The following SLC24A4 variants were observed in gnomAD, a reference collection of about 807,000 sequenced individuals.
SLC24A4 encodes solute carrier family 24 member 4.
A neutral mutation model predicts 79.0 loss-of-function variants in SLC24A4; 53 were observed. That is an observed-to-expected ratio of 0.67 (90% CI 0.54 to 0.84). The LOEUF (loss-of-function observed/expected upper bound fraction) is 0.84. Among genes scored for constraint, SLC24A4 ranks in the 40% least tolerant of loss-of-function variants. The pLI is 0.00. For synonymous variants in SLC24A4, 323 were observed against 323.8 expected (o/e 1.00, Z 0.03); for missense variants, 731 against 822.0 (o/e 0.89, Z 1.35).
intron 2 of SLC24A4, among the ~76,000 whole-genome samples, chr14:92,407,539 G>T (rs866144209): frequency 2.0e-5 from 3 of 152,130 alleles, no homozygotes; most frequent in African/African-American, 7.2e-5. Flanking sequence ...TCACAGTTCT[G>T]TGGCTTAACA....
In SLC24A4 at chr14:92,498,637, A is replaced by T. The variant is rs902220713; in HGVS notation, c.*5009A>T. Reference sequence around the variant, plus strand: ...CTCAGCCTCTCTGGTAGCTGGGACTACAGGCACGCGCCACCATGCCCAGCT... The same window carrying T: ...CTCAGCCTCTCTGGTAGCTGGGACTTCAGGCACGCGCCACCATGCCCAGCT... On this transcript the variant is annotated 3_prime_UTR_variant, in exon 17 of 17. Coordinates refer to ENST00000532405, the MANE Select transcript of SLC24A4 (RefSeq NM_153646.4). 2 of 152,044 alleles carry T rather than the reference A, an allele frequency of 1.3e-5. No individual in the cohort carries two copies. The highest frequency in any genetic ancestry group is 2.9e-5 in the Non-Finnish European group (2 of 68,118). 9.4% of individuals were successfully genotyped at this position (152,044 alleles called of 1,614,324 possible).
intron 2 of SLC24A4, among the ~76,000 whole-genome samples, chr14:92,382,187 T>A (rs935250247): frequency 6.6e-6 from 1 of 152,118 alleles, no homozygotes; most frequent in East Asian, 1.9e-4. Context: ...TATATACATA[T>A]GTATACATGC....
chr14:92,372,067 G>A (rs1455808339), intron 2 of SLC24A4, among the ~76,000 whole-genome samples: 1 of 152,224 alleles, frequency 6.6e-6, no homozygotes, highest in Non-Finnish European at 1.5e-5. Flanking sequence ...GGGAAACACA[G>A]GTGATGATGT....
At chr14:92,374,522 G>C (rs1376408533) in intron 2 of SLC24A4, among the ~76,000 whole-genome samples, 1 of 152,188 alleles carries the variant, frequency 6.6e-6, no homozygotes, top group Non-Finnish European at 1.5e-5. Flanking sequence ...CCAGAGCTGG[G>C]TGCCTGTCAG....
At chr14:92,324,004 T>G (rs1884959831) in intron 1 of SLC24A4, 44 bp downstream of exon 1, 1 of 1,590,764 alleles carries the variant, frequency 6.3e-7, no homozygotes, top group Admixed American at 1.7e-5. Context: ...AGTTGGGGGC[T>G]TTGGCTGGGG....
intron 12 of SLC24A4, among the ~76,000 whole-genome samples, chr14:92,461,055 A>G (rs117494569): frequency 0.025 from 3,740 of 152,238 alleles, 181 homozygotes; most frequent in East Asian, 0.2. Context: ...CAGTGCTGGC[A>G]CCGCCCTGAA....
In SLC24A4 at chr14:92,493,798, G is replaced by T; in HGVS notation, c.*170G>T. 1 of 769,996 alleles carries T rather than the reference G, an allele frequency of 1.3e-6. No homozygotes were observed. The highest frequency in any genetic ancestry group is 1.8e-5 in the African/African-American group (1 of 57,076). 47.7% of individuals were successfully genotyped at this position (769,996 alleles called of 1,614,324 possible). A position where few individuals can be genotyped will look rare whatever the true frequency, so the allele number is the denominator to read the frequency against. On this transcript the variant is annotated 3_prime_UTR_variant, in exon 17 of 17. Transcript: ENST00000532405. Reference sequence around the variant, plus strand: ...TCTTTGTCTGGCCACAGGCCAGGCTGCTGGGCATCCTCCTCCTCCTTGGAG... The same window carrying T: ...TCTTTGTCTGGCCACAGGCCAGGCTTCTGGGCATCCTCCTCCTCCTTGGAG...
chr14:92,343,580 T>TTTTCTTTCTTTCTTTCTTTCTTTC (rs376436087), intron 2 of SLC24A4, among the ~76,000 whole-genome samples: 1 of 85,106 alleles, frequency 1.2e-5, no homozygotes, highest in African/African-American at 4.4e-5. Flanking sequence ...TTAATTACTG[T>TTTTCTTTCTTTCTTTCTTTCTTTC]TTTCTTTCTT....
chr14:92,482,558 G>T, intron 12 of SLC24A4, 122 bp from the exon 13 acceptor site: 1 of 903,758 alleles, frequency 1.1e-6, no homozygotes. Flanking sequence ...CAGTTGCCTA[G>T]AGTCACATCG....
intron 9 of SLC24A4, 87 bp downstream of exon 9, chr14:92,447,511 C>T: frequency 7.7e-7 from 1 of 1,303,756 alleles, no homozygotes; most frequent in South Asian, 1.2e-5. Flanking sequence ...AGAAAAACAT[C>T]TGTCAGATCT....
intron 14 of SLC24A4, among the ~76,000 whole-genome samples, chr14:92,489,647 C>A (rs61977321): frequency 0.05 from 7,612 of 152,208 alleles, 281 homozygotes; most frequent in Non-Finnish European, 0.078. Context: ...GTGCCCCAGA[C>A]CCACTGAATC....
intron 1 of SLC24A4, among the ~76,000 whole-genome samples, chr14:92,324,889 G>A (rs1248287409): frequency 2.0e-5 from 3 of 152,170 alleles, no homozygotes; most frequent in Non-Finnish European, 4.4e-5. Flanking sequence ...ATTTAGAGAG[G>A]TGTACACTGA....
intron 12 of SLC24A4, among the ~76,000 whole-genome samples, chr14:92,480,009 A>G (rs1395574771): frequency 6.6e-6 from 1 of 152,042 alleles, no homozygotes; most frequent in Admixed American, 6.5e-5. Flanking sequence ...TAATGTTCAT[A>G]GTGATGTCCC....
chr14:92,468,892 C>CTG lies in SLC24A4; in HGVS notation c.1255+12326_1255+12327dup, dbSNP rs57575129. On this transcript the variant is annotated intron_variant, in intron 12 of 16. Coordinates refer to ENST00000532405, the MANE Select transcript of SLC24A4 (RefSeq NM_153646.4). Reference sequence around the variant, plus strand: ...GAGAAAACATTTGCAAATCATGTATCTGTGTGTGTGTGTGTGTGTGTGTGT... The same window carrying CTG: ...GAGAAAACATTTGCAAATCATGTATCTGTGTGTGTGTGTGTGTGTGTGTGTGT... Among the ~76,000 whole-genome samples the CTG allele has an allele frequency of 8.8e-3, 718 of 81,460 alleles. 4 individuals carry two copies. Among genetic ancestry groups the CTG allele is most frequent in the South Asian group, 0.032 (73 of 2,312 alleles). The allele number at this position is 81,460 out of a possible 152,430, so 53.4% of individuals were successfully genotyped here. A position where few individuals can be genotyped will look rare whatever the true frequency, so the allele number is the denominator to read the frequency against.
chr14:92,405,418 C>T (rs996404273), intron 2 of SLC24A4, among the ~76,000 whole-genome samples: 3 of 152,202 alleles, frequency 2.0e-5, no homozygotes, highest in Non-Finnish European at 4.4e-5. Flanking sequence ...GTATGAGCCT[C>T]ACTCCAGTAG....
chr14:92,486,749 C>T lies in SLC24A4; in HGVS notation c.1506C>T (p.Asp502=), dbSNP rs1434567037. 1.2e-6 allele frequency: 2 copies of T among 1,613,996 alleles called. No homozygotes were observed. The highest frequency in any genetic ancestry group is 1.7e-6 in the Non-Finnish European group (2 of 1,180,006). ...TGGCAGCAGGGACAAGTGTTCCAGA[C>T]TGCATGGCCAGCCTAATTGTGGCGA... ...TFLAAGTSVP[D]CMASLIVARQ... The change falls in exon 14 of 17, where the codon GAC becomes GAT. Residue 502 remains aspartate (D), a synonymous_variant. Coordinates refer to ENST00000532405, the MANE Select transcript of SLC24A4 (RefSeq NM_153646.4).
intron 2 of SLC24A4, among the ~76,000 whole-genome samples, chr14:92,378,969 G>T (rs1036690222): frequency 6.6e-6 from 1 of 152,152 alleles, no homozygotes; most frequent in Non-Finnish European, 1.5e-5. Context: ...GGCTGAGATG[G>T]GAGAATCGCT....
At chr14:92,331,820 C>T (rs895952362) in intron 2 of SLC24A4, among the ~76,000 whole-genome samples, 12 of 152,220 alleles carry the variant, frequency 7.9e-5, no homozygotes, top group Non-Finnish European at 1.2e-4. Flanking sequence ...TCTTTCTCCT[C>T]TCAATGTGAA....
At chr14:92,465,121 G>A (rs1230991299) in intron 12 of SLC24A4, among the ~76,000 whole-genome samples, 1 of 152,192 alleles carries the variant, frequency 6.6e-6, no homozygotes, top group East Asian at 1.9e-4. Context: ...ATGCAGCCTC[G>A]ATTTAATGCT....
Sources: allele counts gnomAD v4.1 joint callset (sites outside exome capture counted in the v4.1 genomes callset), GRCh38; gene constraint gnomAD v4.1.1; transcripts MANE v1.5; gene names NCBI Gene and HGNC (gene_info 2026-07-23, HGNC 2026-07-21).